SAMMSON: variants seen among roughly 807,000 people sequenced by gnomAD.
SAMMSON encodes the protein long intergenic non-protein coding RNA 1212.
At chr3:70,125,828 C>A in intron 4 of SAMMSON, 1 of 664,058 alleles carries the variant, frequency 1.5e-6, no homozygotes, top group Admixed American at 2.3e-5. Flanking sequence ...TGAAGATTTG[C>A]TAGTTCCATT....
intron 4 of SAMMSON, among the ~76,000 whole-genome samples, chr3:70,215,383 A>G (rs1701399080): frequency 6.6e-6 from 1 of 152,116 alleles, no homozygotes. Context: ...ACTTTTCTGA[A>G]ATAAAACTGC....
intron 4 of SAMMSON, chr3:70,249,007 C>G (rs1251588703): frequency 1.3e-5 from 2 of 152,098 alleles, no homozygotes; most frequent in African/African-American, 4.8e-5. Context: ...GAATTGGAAG[C>G]TCAGAGATAT....
intron 7 of SAMMSON, among the ~76,000 whole-genome samples, chr3:70,310,523 A>G (rs1284079642): frequency 6.6e-6 from 1 of 151,862 alleles, no homozygotes; most frequent in Non-Finnish European, 1.5e-5. Flanking sequence ...GTGCCACCAC[A>G]TCTGACTGAT....
chr3:70,343,791 T>C (rs1431083160), intron 7 of SAMMSON, among the ~76,000 whole-genome samples: 1 of 151,986 alleles, frequency 6.6e-6, no homozygotes, highest in East Asian at 1.9e-4. Context: ...AATAAATTAC[T>C]TGGAATTGTT....
chr3:70,045,680 C>G (rs1459141852), intron 3 of SAMMSON, among the ~76,000 whole-genome samples: 1 of 151,954 alleles, frequency 6.6e-6, no homozygotes, highest in African/African-American at 2.4e-5. Context: ...TTTAGAAGCT[C>G]GGGTTTTAAA....
chr3:70,161,882 A>T lies in SAMMSON; in HGVS notation n.508-87225A>T, dbSNP rs1190308331. Among the ~76,000 whole-genome samples the T allele has an allele frequency of 2.6e-5, 4 of 151,334 alleles. No individual in the cohort carries two copies. The East Asian group carries it at 5.9e-4, about 22-fold the overall frequency. On this transcript the variant is annotated intron_variant and non_coding_transcript_variant, in intron 4 of 9. Coordinates refer to ENST00000642114, the Ensembl canonical transcript of SAMMSON. ...TTTCTTGAGTCAGTTTGAGTAATTC[A>T]TTTTTTTAAGAATTTATGTCATCTA...
intron 1 of SAMMSON, among the ~76,000 whole-genome samples, chr3:70,008,238 G>A (rs1275800721): frequency 6.6e-6 from 1 of 152,144 alleles, no homozygotes; most frequent in Non-Finnish European, 1.5e-5. Context: ...ACCTTGGGCA[G>A]TATGGCCACT....
At chr3:70,008,665 C>G (rs188994727) in intron 1 of SAMMSON, among the ~76,000 whole-genome samples, 1 of 152,298 alleles carries the variant, frequency 6.6e-6, no homozygotes, top group East Asian at 1.9e-4. Context: ...GCCAGAACTT[C>G]TAACACTATG....
At chr3:70,026,387 T>A (rs902495833) in intron 3 of SAMMSON, among the ~76,000 whole-genome samples, 2 of 152,174 alleles carry the variant, frequency 1.3e-5, no homozygotes, top group African/African-American at 4.8e-5. Context: ...TACTTTTTCC[T>A]CTGTTTCAGT....
intron 7 of SAMMSON, among the ~76,000 whole-genome samples, chr3:70,347,243 A>T (rs1440388278): frequency 2.0e-5 from 3 of 152,250 alleles, no homozygotes; most frequent in Non-Finnish European, 4.4e-5. Context: ...CAAATATCTT[A>T]GTAGGTTAGA....
At chr3:70,001,545 G>A (rs911536868) in intron 1 of SAMMSON, among the ~76,000 whole-genome samples, 16 of 151,148 alleles carry the variant, frequency 1.1e-4, no homozygotes, top group African/African-American at 3.7e-4. Flanking sequence ...GGTTTACTAT[G>A]TGTACGCTTT....
chr3:70,030,362 G>A (rs988717141), intron 3 of SAMMSON: 3 of 152,148 alleles, frequency 2.0e-5, no homozygotes, highest in Admixed American at 1.3e-4. Context: ...GCCACCTTAA[G>A]AGACTAGATT....
chr3:70,350,927 C>G (rs1037266142), intron 7 of SAMMSON, among the ~76,000 whole-genome samples: 1 of 152,082 alleles, frequency 6.6e-6, no homozygotes, highest in African/African-American at 2.4e-5. Flanking sequence ...GCACTTCAGA[C>G]AAGGGGAATA....
intron 4 of SAMMSON, chr3:70,183,808 G>A (rs1482658741): frequency 6.6e-6 from 1 of 152,178 alleles, no homozygotes; most frequent in African/African-American, 2.4e-5. Flanking sequence ...TTCCCAAACT[G>A]AGAGCAGTTT....
chr3:70,318,559 C>G (rs1199954562), intron 7 of SAMMSON, among the ~76,000 whole-genome samples: 1 of 151,514 alleles, frequency 6.6e-6, no homozygotes, highest in African/African-American at 2.4e-5. Context: ...CCTTTAATTC[C>G]TTGGTCTTAT....
chr3:70,150,205 A>C (rs2106686597), intron 4 of SAMMSON, among the ~76,000 whole-genome samples: 1 of 152,180 alleles, frequency 6.6e-6, no homozygotes, highest in South Asian at 2.1e-4. Flanking sequence ...ATGTTTCCTC[A>C]TCATTTAAAG....
At chr3:70,256,654 A>G (rs1437388504) in intron 6 of SAMMSON, among the ~76,000 whole-genome samples, 1 of 152,220 alleles carries the variant, frequency 6.6e-6, no homozygotes, top group Non-Finnish European at 1.5e-5. Context: ...AAGCCATGAG[A>G]TGCGTCCCTC....
chr3:70,337,084 C>CTAACTTAATATTA (rs1559566753), intron 7 of SAMMSON, among the ~76,000 whole-genome samples: 39 of 35,346 alleles, frequency 1.1e-3, no homozygotes, highest in Admixed American at 1.9e-3. Context: ...ACTTAATATT[C>CTAACTTAATATTA]TTATTAATAA....
At chr3:70,145,971 A>G (rs970475464) in intron 4 of SAMMSON, among the ~76,000 whole-genome samples, 4 of 152,036 alleles carry the variant, frequency 2.6e-5, no homozygotes, top group Non-Finnish European at 5.9e-5. Context: ...ACTGACAAAG[A>G]GAAAAGACAC....
Sources: gnomAD v4.1 joint callset for allele counts (sites outside exome capture counted in the v4.1 genomes callset) on GRCh38, gnomAD v4.1.1 for gene constraint, MANE v1.5 for transcripts, NCBI Gene and HGNC (gene_info 2026-07-23, HGNC 2026-07-21) for gene names.